Variants in GRID2 observed in about 807,000 individuals in gnomAD.
The protein encoded by GRID2 is glutamate receptor ionotropic, delta-2.
GRID2 carries 33 observed loss-of-function variants against 114.8 expected under a neutral mutation model. The ratio of observed to expected loss-of-function variants is 0.29; its 90% CI spans 0.22 to 0.38. The LOEUF is 0.38. GRID2 is among the 10% of genes least tolerant of loss of function. The probability of loss-of-function intolerance (pLI) is 1.00; values close to 1 mark genes in which losing one functional copy is unlikely to be tolerated. For synonymous variants in GRID2, 505 were observed against 449.9 expected, an observed-to-expected ratio of 1.12 and a Z score of -1.55; for missense variants, 1,184 against 1,257.7, an observed-to-expected ratio of 0.94 and a Z score of 0.89.
chr4:92,558,656 T>G (rs371430575), intron 1 of GRID2, among the ~76,000 whole-genome samples: 15 of 152,170 alleles, frequency 9.9e-5, no homozygotes, highest in African/African-American at 3.4e-4. Context: ...TTTGTTTTGT[T>G]GTGCTTTTAT....
rs10030470 is a variant in GRID2, at chr4:93,448,086, T to C, written c.1546-7576T>C. Among the ~76,000 whole-genome samples the C allele has an allele frequency of 2.6e-3, 391 of 151,952 alleles. 4 individuals carry two copies. Among genetic ancestry groups the C allele is most frequent in the African/African-American group, 9.0e-3 (375 of 41,524 alleles). On this transcript the variant is annotated intron_variant, in intron 10 of 15. Coordinates refer to ENST00000282020, the MANE Select transcript of GRID2 (RefSeq NM_001510.4). ...AGTAAGCAAAGTTGGAGACATGGAT[T>C]AGATAATAATATGAAATCATCATGT...
intron 8 of GRID2, among the ~76,000 whole-genome samples, chr4:93,239,405 A>G (rs1453510145): frequency 1.7e-5 from 2 of 114,716 alleles, no homozygotes; most frequent in African/African-American, 6.6e-5. Context: ...ATAATTGTGT[A>G]CGCAGAGCTG....
chr4:92,695,085 G>C (rs961839074), intron 2 of GRID2, among the ~76,000 whole-genome samples: 1 of 151,938 alleles, frequency 6.6e-6, no homozygotes, highest in African/African-American at 2.4e-5. Context: ...TCCCACCTTA[G>C]CCTTCCTAGT....
intron 1 of GRID2, among the ~76,000 whole-genome samples, chr4:92,445,046 C>T (rs1478195458): frequency 6.6e-6 from 1 of 151,792 alleles, no homozygotes; most frequent in East Asian, 1.9e-4. Context: ...TGGACTTTAG[C>T]GAGTCATGAT....
chr4:92,877,864 C>T (rs1745745093), intron 2 of GRID2, among the ~76,000 whole-genome samples: 1 of 152,080 alleles, frequency 6.6e-6, no homozygotes, highest in Non-Finnish European at 1.5e-5. Context: ...ATTTTACTCT[C>T]CTTAAGCTTT....
chr4:92,731,643 A>G (rs1183158193), intron 2 of GRID2, among the ~76,000 whole-genome samples: 1 of 151,948 alleles, frequency 6.6e-6, no homozygotes, highest in African/African-American at 2.4e-5. Flanking sequence ...AAATGTGAAT[A>G]ATTAAAGAGG....
At chr4:92,743,581 T>TA (rs1253631022) in intron 2 of GRID2, among the ~76,000 whole-genome samples, 1 of 152,168 alleles carries the variant, frequency 6.6e-6, no homozygotes, top group Non-Finnish European at 1.5e-5. Flanking sequence ...TCATTTTATG[T>TA]AAAATTTTGG....
intron 2 of GRID2, among the ~76,000 whole-genome samples, chr4:92,885,992 T>C (rs1746341235): frequency 6.6e-6 from 1 of 152,352 alleles, no homozygotes; most frequent in African/African-American, 2.4e-5. Context: ...TAAATGTTCT[T>C]AATGCAAGAT....
intron 5 of GRID2, among the ~76,000 whole-genome samples, chr4:93,212,118 A>AT (rs1743575635): frequency 6.6e-6 from 1 of 152,138 alleles, no homozygotes; most frequent in Non-Finnish European, 1.5e-5. Context: ...AAATGTAATA[A>AT]TAAAAAAAAC....
chr4:93,574,036 G>A (rs1269604673), intron 13 of GRID2, among the ~76,000 whole-genome samples: 3 of 152,050 alleles, frequency 2.0e-5, no homozygotes, highest in Non-Finnish European at 4.4e-5. Flanking sequence ...TTGATAGAGG[G>A]TAGAGATAGG....
intron 2 of GRID2, among the ~76,000 whole-genome samples, chr4:92,899,939 A>C (rs1747451712): frequency 6.6e-6 from 1 of 152,130 alleles, no homozygotes; most frequent in South Asian, 2.1e-4. Context: ...GCCCTCGTCA[A>C]GGAGGTGAGG....
intron 2 of GRID2, among the ~76,000 whole-genome samples, chr4:93,039,176 G>T (rs1200768237): frequency 1.3e-5 from 2 of 152,124 alleles, no homozygotes; most frequent in African/African-American, 4.8e-5. Flanking sequence ...CAGGAACATG[G>T]ATGAAGATGG....
intron 1 of GRID2, among the ~76,000 whole-genome samples, chr4:92,305,671 G>C (rs907559579): frequency 2.0e-5 from 3 of 152,104 alleles, no homozygotes; most frequent in Non-Finnish European, 4.4e-5. Flanking sequence ...GCAACCAGAC[G>C]GGCCGGGACT....
intron 8 of GRID2, among the ~76,000 whole-genome samples, chr4:93,332,699 A>T (rs1053160673): frequency 6.6e-6 from 1 of 152,128 alleles, no homozygotes. Context: ...AGGCATAGGA[A>T]TATGTTCTTG....
intron 2 of GRID2, among the ~76,000 whole-genome samples, chr4:92,985,695 G>A (rs1754476943): frequency 1.3e-5 from 2 of 152,076 alleles, no homozygotes; most frequent in African/African-American, 4.8e-5. Context: ...CTTTAAAGGG[G>A]TTAAGATATT....
chr4:92,976,712 A>G (rs1457355592), intron 2 of GRID2, among the ~76,000 whole-genome samples: 1 of 152,156 alleles, frequency 6.6e-6, no homozygotes, highest in African/African-American at 2.4e-5. Flanking sequence ...TCCCTATATT[A>G]GCAGAGAAAA....
intron 14 of GRID2, among the ~76,000 whole-genome samples, chr4:93,764,282 A>G (rs1240010092): frequency 1.3e-5 from 2 of 152,138 alleles, no homozygotes. Context: ...TCAAATTGCA[A>G]TTAAGTTTTA....
At chr4:93,252,213 A>T (rs1379527829) in intron 8 of GRID2, among the ~76,000 whole-genome samples, 1 of 151,668 alleles carries the variant, frequency 6.6e-6, no homozygotes, top group African/African-American at 2.4e-5. Context: ...ACATTTAATT[A>T]TTGAATCCAT....
At chr4:92,911,599 T>C (rs1372073595) in intron 2 of GRID2, among the ~76,000 whole-genome samples, 1 of 151,840 alleles carries the variant, frequency 6.6e-6, no homozygotes, top group African/African-American at 2.4e-5. Context: ...TATACAGGGA[T>C]TTTAGGACCA....
Sources: gnomAD v4.1 joint callset for allele counts (sites outside exome capture counted in the v4.1 genomes callset) on GRCh38, gnomAD v4.1.1 for gene constraint, MANE v1.5 for transcripts, NCBI Gene and HGNC (gene_info 2026-07-23, HGNC 2026-07-21) for gene names.